Variants in RUNDC3B observed in about 807,000 individuals in gnomAD.
RUNDC3B encodes RUN domain-containing protein 3B.
In RUNDC3B, 33 loss-of-function variants were observed where a neutral mutation model predicts 58.4. The observed-to-expected ratio is 0.56, with a 90% CI of 0.43 to 0.75. The LOEUF is 0.75. RUNDC3B is among the 30% of genes least tolerant of loss of function. RUNDC3B has a pLI of 0.00. For missense variants in RUNDC3B, 501 were observed against 535.7 expected (o/e 0.94, Z 0.64); for synonymous variants, 193 against 195.2 (o/e 0.99, Z 0.10).
intron 5 of RUNDC3B, 56 bp downstream of exon 5, chr7:87,739,936 CT>C: frequency 1.2e-6 from 1 of 805,578 alleles, no homozygotes. Flanking sequence ...ATAGTTTCTA[CT>C]TATGATTTTT....
At chr7:87,787,230 T>TA (rs1835268949) in intron 8 of RUNDC3B, among the ~76,000 whole-genome samples, 1 of 152,138 alleles carries the variant, frequency 6.6e-6, no homozygotes, top group Non-Finnish European at 1.5e-5. Context: ...AAAGAGTGAA[T>TA]ATGTTTTATC....
chr7:87,670,791 T>G (rs1237010430), intron 2 of RUNDC3B, among the ~76,000 whole-genome samples: 2 of 152,200 alleles, frequency 1.3e-5, no homozygotes, highest in Non-Finnish European at 2.9e-5. Context: ...AGCAGGTGGC[T>G]TAGGCTTTTT....
At chr7:87,650,082 G>A (rs190493849) in intron 1 of RUNDC3B, among the ~76,000 whole-genome samples, 13 of 152,162 alleles carry the variant, frequency 8.5e-5, no homozygotes, top group Admixed American at 5.9e-4. Context: ...TAATGCTCAC[G>A]TCCTATTTTA....
intron 4 of RUNDC3B, among the ~76,000 whole-genome samples, chr7:87,722,124 G>A (rs1019382675): frequency 2.7e-5 from 4 of 150,708 alleles, no homozygotes; most frequent in Non-Finnish European, 5.9e-5. Context: ...TGTACTTGAT[G>A]TTTTGATATA....
rs552192080 is a variant in RUNDC3B, at chr7:87,652,136, A to G, written c.238+1199A>G. On this transcript the variant is annotated intron_variant, in intron 2 of 10. Transcript: ENST00000394654. ...TAAATTTATAAACAATGCCTAACTA[A>G]AAAGCATATGGAATAGAATAGACTC... 3.3e-3 allele frequency among the ~76,000 whole-genome samples: 507 copies of G among 152,260 alleles called. 5 individuals are homozygous for G. The highest frequency in any genetic ancestry group is 0.012 in the African/African-American group (488 of 41,572).
chr7:87,646,143 GT>G, intron 1 of RUNDC3B, among the ~76,000 whole-genome samples: 1 of 152,118 alleles, frequency 6.6e-6, no homozygotes, highest in Non-Finnish European at 1.5e-5. Flanking sequence ...GACATTTTAT[GT>G]TTTTATGACA....
chr7:87,684,544 C>G (rs753721096), intron 2 of RUNDC3B, among the ~76,000 whole-genome samples: 1 of 151,714 alleles, frequency 6.6e-6, no homozygotes, highest in Non-Finnish European at 1.5e-5. Context: ...GTCAAGAGAT[C>G]GAGACCATCC....
At chr7:87,655,104 A>C (rs148659827) in intron 2 of RUNDC3B, among the ~76,000 whole-genome samples, 1 of 152,148 alleles carries the variant, frequency 6.6e-6, no homozygotes, top group Non-Finnish European at 1.5e-5. Context: ...CAGCCATTAC[A>C]GAAAACATTA....
At chr7:87,640,989 T>C (rs937507987) in intron 1 of RUNDC3B, among the ~76,000 whole-genome samples, 1 of 152,176 alleles carries the variant, frequency 6.6e-6, no homozygotes, top group African/African-American at 2.4e-5. Context: ...TTCTTATTAA[T>C]TTAGAATTTT....
intron 7 of RUNDC3B, among the ~76,000 whole-genome samples, chr7:87,774,501 G>T (rs1485599622): frequency 6.6e-6 from 1 of 151,828 alleles, no homozygotes; most frequent in African/African-American, 2.4e-5. Context: ...AAAAATTAAG[G>T]CACAGATAAT....
intron 4 of RUNDC3B, among the ~76,000 whole-genome samples, chr7:87,736,104 A>C (rs1292425308): frequency 3.9e-5 from 6 of 152,114 alleles, no homozygotes; most frequent in Non-Finnish European, 7.4e-5. Context: ...GATCTGTTTT[A>C]TATGTCATGA....
intron 10 of RUNDC3B, among the ~76,000 whole-genome samples, chr7:87,817,278 A>G: frequency 6.6e-6 from 1 of 152,182 alleles, no homozygotes; most frequent in East Asian, 1.9e-4. Flanking sequence ...CTGCAACCTT[A>G]GTCTCTGCCA....
At chr7:87,821,244 T>C (rs367592645) in intron 10 of RUNDC3B, among the ~76,000 whole-genome samples, 1 of 151,846 alleles carries the variant, frequency 6.6e-6, no homozygotes, top group Non-Finnish European at 1.5e-5. Context: ...TATACACCAA[T>C]AACAGACAAA....
At chr7:87,759,793 CAA>C (rs543619186) in intron 6 of RUNDC3B, among the ~76,000 whole-genome samples, 24 of 125,466 alleles carry the variant, frequency 1.9e-4, no homozygotes, top group Non-Finnish European at 2.2e-4. Flanking sequence ...GATCCTGTAT[CAA>C]AAAAAAAAAA....
chr7:87,740,774 T>A (rs1344027518), intron 5 of RUNDC3B, among the ~76,000 whole-genome samples: 2 of 152,184 alleles, frequency 1.3e-5, no homozygotes, highest in African/African-American at 4.8e-5. Context: ...AGCTTAATTG[T>A]GGAGGATGAA....
chr7:87,763,382 C>T (rs570659855), intron 6 of RUNDC3B, among the ~76,000 whole-genome samples: 20 of 151,714 alleles, frequency 1.3e-4, no homozygotes, highest in African/African-American at 4.6e-4. Context: ...GCAAAACAAC[C>T]TTCCTTATTA....
At chr7:87,732,758 A>G (rs1215040838) in intron 4 of RUNDC3B, among the ~76,000 whole-genome samples, 1 of 152,188 alleles carries the variant, frequency 6.6e-6, no homozygotes, top group Non-Finnish European at 1.5e-5. Context: ...TCATTTGATT[A>G]TGAGGTGAGA....
chr7:87,825,133 A>G (rs1018469174), intron 10 of RUNDC3B, among the ~76,000 whole-genome samples: 1 of 152,034 alleles, frequency 6.6e-6, no homozygotes, highest in African/African-American at 2.4e-5. Flanking sequence ...GAGGCAGAAG[A>G]AAGGCGTGAA....
At chr7:87,694,686 T>C (rs1244952652) in intron 2 of RUNDC3B, among the ~76,000 whole-genome samples, 1 of 151,712 alleles carries the variant, frequency 6.6e-6, no homozygotes, top group Non-Finnish European at 1.5e-5. Context: ...GCTCTCTGTG[T>C]GGACTTCAGC....
Sources: gnomAD v4.1 joint callset for allele counts (sites outside exome capture counted in the v4.1 genomes callset) on GRCh38, gnomAD v4.1.1 for gene constraint, MANE v1.5 for transcripts, NCBI Gene and HGNC (gene_info 2026-07-23, HGNC 2026-07-21) for gene names.